The following SWT1 variants were observed in gnomAD, a reference collection of about 807,000 sequenced individuals.
SWT1 encodes the protein SWT1 RNA endoribonuclease homolog.
SWT1 carries 33 observed loss-of-function variants against 107.3 expected under a neutral mutation model. That is an observed-to-expected ratio of 0.31 (90% CI 0.23 to 0.41). The LOEUF is 0.41. Among genes scored for constraint, SWT1 ranks in the 10% least tolerant of loss-of-function variants. The pLI is 1.00. For synonymous variants in SWT1, 345 were observed against 348.3 expected (o/e 0.99, Z 0.11); for missense variants, 898 against 1,028.9 (o/e 0.87, Z 1.74).
rs750842028 is a variant in SWT1 at position 185,201,449 on chromosome 1, G to T, written c.1524-1205G>T. ...ATGGGAAAAGTATAGTGTCTGGGCC[G>T]GAGTGCACCGTTCCTCAGGGCACAG... is the stretch of plus-strand genomic sequence containing the variant. On this transcript the variant is annotated intron_variant, in intron 10 of 18. Coordinates refer to ENST00000367500, the MANE Select transcript of SWT1 (RefSeq NM_017673.7). 2.0e-5 allele frequency among the ~76,000 whole-genome samples: 3 copies of T among 152,140 alleles called. No homozygotes were observed. In the East Asian group the frequency reaches 5.8e-4, roughly 29 times the overall value.
chr1:185,249,276 A>T (rs1661836609), intron 16 of SWT1, among the ~76,000 whole-genome samples: 1 of 152,144 alleles, frequency 6.6e-6, no homozygotes, highest in African/African-American at 2.4e-5. Context: ...CTCAGAAATC[A>T]TATAGTGTCA....
At position 185,193,969 on chromosome 1, in the gene SWT1, G is replaced by T. The variant is rs79879089; in HGVS notation, c.1523+3327G>T. ...GCAAAAAGATAGAAACTTGTAGTGA[G>T]ATGCATATACATCTAAGATTGTTTA... On this transcript the variant is annotated intron_variant, in intron 10 of 18. Coordinates refer to ENST00000367500, the MANE Select transcript of SWT1 (RefSeq NM_017673.7). Among the ~76,000 whole-genome samples the T allele has an allele frequency of 5.9e-3, 903 of 152,338 alleles. 34 individuals carry two copies. In the East Asian group the frequency reaches 0.096, roughly 16 times the overall value.
chr1:185,180,051 T>C (rs1332103442), intron 5 of SWT1, among the ~76,000 whole-genome samples: 3 of 152,130 alleles, frequency 2.0e-5, no homozygotes, highest in African/African-American at 4.8e-5. Flanking sequence ...CCGGGTGTGT[T>C]GGTGTGCCTG....
At chr1:185,217,553 T>C (rs1056781649) in intron 14 of SWT1, among the ~76,000 whole-genome samples, 3 of 151,994 alleles carry the variant, frequency 2.0e-5, no homozygotes, top group African/African-American at 7.2e-5. Flanking sequence ...GATTCTACAT[T>C]ATGGTGAGTT....
rs192925684 is a variant in SWT1, at chr1:185,186,251, A to G, written c.1429+1320A>G. ...CATCTATCTTTTTTTTAAATATCTG[A>G]TTTATTTTTATCACTTCTAAGTTTA... On this transcript the variant is annotated intron_variant, in intron 9 of 18. Coordinates refer to ENST00000367500, the MANE Select transcript of SWT1 (RefSeq NM_017673.7). 3.7e-3 allele frequency among the ~76,000 whole-genome samples: 570 copies of G among 152,104 alleles called. 11 individuals carry two copies. Among genetic ancestry groups the G allele is most frequent in the Admixed American group, 0.035 (532 of 15,262 alleles).
chr1:185,188,634 T>G (rs1157133310), intron 9 of SWT1, among the ~76,000 whole-genome samples: 24 of 152,224 alleles, frequency 1.6e-4, no homozygotes, highest in Admixed American at 1.6e-3. Flanking sequence ...AATTAAACCG[T>G]ATATAAGTAT....
chr1:185,265,567 A>G (rs1443232403), intron 16 of SWT1, among the ~76,000 whole-genome samples: 1 of 152,234 alleles, frequency 6.6e-6, no homozygotes. Context: ...AATGAGAAGC[A>G]CAGAGCTTTG....
intron 7 of SWT1, among the ~76,000 whole-genome samples, chr1:185,183,953 C>T (rs1238712852): frequency 6.6e-6 from 1 of 152,156 alleles, no homozygotes; most frequent in African/African-American, 2.4e-5. Context: ...CCTTCTCTGC[C>T]CACTTTGACT....
At chr1:185,222,224 T>A (rs879864703) in intron 15 of SWT1, among the ~76,000 whole-genome samples, 188 bp downstream of exon 15, 1 of 152,068 alleles carries the variant, frequency 6.6e-6, no homozygotes, top group Admixed American at 6.6e-5. Context: ...AAAAAAAAGC[T>A]TTTTTCACTT....
intron 16 of SWT1, among the ~76,000 whole-genome samples, chr1:185,252,156 C>T (rs1662088923): frequency 6.6e-6 from 1 of 152,244 alleles, no homozygotes; most frequent in South Asian, 2.1e-4. Context: ...GTATATGTGC[C>T]ACATTTTCTT....
Position 185,168,757 on chromosome 1 carries a change from G to A in SWT1, c.224+359G>A, listed in dbSNP as rs150965203. Among the ~76,000 whole-genome samples the A allele has an allele frequency of 2.3e-3, 344 of 152,214 alleles. 2 individuals carry two copies. Among genetic ancestry groups the A allele is most frequent in the African/African-American group, 7.7e-3 (320 of 41,528 alleles). Reference sequence around the variant, plus strand: ...GATAAATCATTTTCATATATTACCCGTGAAGAGAGTATGTATCTTATAGAA... The same window carrying A: ...GATAAATCATTTTCATATATTACCCATGAAGAGAGTATGTATCTTATAGAA... On this transcript the variant is annotated intron_variant, in intron 4 of 18. Coordinates refer to ENST00000367500, the MANE Select transcript of SWT1 (RefSeq NM_017673.7).
At chr1:185,165,812 G>A (rs902923912) in intron 2 of SWT1, among the ~76,000 whole-genome samples, 4 of 152,064 alleles carry the variant, frequency 2.6e-5, no homozygotes, top group Non-Finnish European at 5.9e-5. Flanking sequence ...TTCTGCCTCT[G>A]GGGCTTTGCC....
chr1:185,182,784 A>G (rs1656136080), intron 7 of SWT1, among the ~76,000 whole-genome samples: 2 of 151,932 alleles, frequency 1.3e-5, no homozygotes, highest in South Asian at 4.1e-4. Flanking sequence ...CTGGGAGAAG[A>G]TAATGATAGA....
intron 16 of SWT1, among the ~76,000 whole-genome samples, chr1:185,234,104 G>T (rs753452986): frequency 6.6e-6 from 1 of 152,148 alleles, no homozygotes; most frequent in Non-Finnish European, 1.5e-5. Flanking sequence ...GATTTGGGGC[G>T]GAGAGTTCTG....
chr1:185,233,284 T>C (rs1029966982), intron 16 of SWT1, among the ~76,000 whole-genome samples: 8 of 152,228 alleles, frequency 5.3e-5, no homozygotes, highest in Non-Finnish European at 8.8e-5. Flanking sequence ...GAAGGGCTTT[T>C]CGTGTCTCTG....
At chr1:185,161,512 T>G (rs1048674620) in intron 2 of SWT1, among the ~76,000 whole-genome samples, 4 of 151,558 alleles carry the variant, frequency 2.6e-5, no homozygotes, top group African/African-American at 9.7e-5. Context: ...AAGACCAGCC[T>G]AGGCAACATG....
intron 10 of SWT1, among the ~76,000 whole-genome samples, chr1:185,192,451 T>C (rs78875125): frequency 0.012 from 1,756 of 152,236 alleles, 26 homozygotes; most frequent in African/African-American, 0.04. Flanking sequence ...TGTGGTCTTC[T>C]TTAATTTTAT....
chr1:185,286,258 CTG>C (rs1468147292), intron 18 of SWT1, among the ~76,000 whole-genome samples: 1 of 152,170 alleles, frequency 6.6e-6, no homozygotes, highest in Non-Finnish European at 1.5e-5. Flanking sequence ...GAGTCTCACT[CTG>C]TCGCCCAGAC....
intron 15 of SWT1, among the ~76,000 whole-genome samples, chr1:185,230,223 G>GT (rs1480025478): frequency 2.0e-5 from 3 of 152,168 alleles, no homozygotes; most frequent in South Asian, 2.1e-4. Flanking sequence ...ACTCATTCTT[G>GT]TTTTTTAGGA....
Sources: gnomAD v4.1 joint callset for allele counts (sites outside exome capture counted in the v4.1 genomes callset) on GRCh38, gnomAD v4.1.1 for gene constraint, MANE v1.5 for transcripts, NCBI Gene and HGNC (gene_info 2026-07-23, HGNC 2026-07-21) for gene names.